The following ECSIT variants were observed in gnomAD, a reference collection of about 807,000 sequenced individuals.
The protein encoded by ECSIT is evolutionarily conserved signaling intermediate in Toll pathway, mitochondrial.
Under a neutral mutation model 36.8 loss-of-function variants are expected in ECSIT, and 29 were observed. The ratio of observed to expected loss-of-function variants is 0.79; its 90% CI spans 0.59 to 1.08. The LOEUF is 1.08. Ranked by LOEUF, ECSIT falls within the 50% of genes least tolerant of loss-of-function variation. The pLI is 0.00. For synonymous variants in ECSIT, 231 were observed against 234.8 expected, an observed-to-expected ratio of 0.98 and a Z score of 0.15; for missense variants, 542 against 581.0, an observed-to-expected ratio of 0.93 and a Z score of 0.69.
At chr19:11,520,927 TC>T (rs1972090262) in intron 1 of ECSIT, among the ~76,000 whole-genome samples, 1 of 151,920 alleles carries the variant, frequency 6.6e-6, no homozygotes, top group Non-Finnish European at 1.5e-5. Context: ...TGCCTCAGCC[TC>T]CCAAGTAGCT....
intron 1 of ECSIT, chr19:11,522,180 C>G: frequency 2.1e-6 from 1 of 483,644 alleles, no homozygotes; most frequent in South Asian, 2.2e-5. Flanking sequence ...CGAGAAGTAC[C>G]GCCTGCGGGT....
At chr19:11,509,041 C>G (rs1325004528) in intron 4 of ECSIT, among the ~76,000 whole-genome samples, 2 of 151,548 alleles carry the variant, frequency 1.3e-5, no homozygotes, top group Non-Finnish European at 2.9e-5. Flanking sequence ...AATTTTATAC[C>G]TTGAACATAA....
intron 7 of ECSIT, among the ~76,000 whole-genome samples, chr19:11,506,922 C>T (rs909226406): frequency 2.6e-5 from 4 of 152,202 alleles, no homozygotes; most frequent in African/African-American, 9.7e-5. Context: ...CGGGCGATGA[C>T]TCCTGGTTTT....
intron 5 of ECSIT, 38 bp downstream of exon 5, chr19:11,507,952 AG>A (rs1255480175): frequency 6.2e-7 from 1 of 1,613,998 alleles, no homozygotes; most frequent in Non-Finnish European, 8.5e-7. Flanking sequence ...GGCCTGGGTA[AG>A]GTTAGAGACT....
chr19:11,528,121 C>T (rs1972252476), intron 1 of ECSIT, among the ~76,000 whole-genome samples: 1 of 152,232 alleles, frequency 6.6e-6, no homozygotes, highest in South Asian at 2.1e-4. Flanking sequence ...ATCTCAGAAC[C>T]TTTGTACTTG....
Position 11,519,051 on chromosome 19 carries a change from AAAG to A in ECSIT, c.96+21_96+23del, listed in dbSNP as rs1332449640. 1 of 1,547,308 alleles carries A rather than the reference AAAG, an allele frequency of 6.5e-7. No individual in the cohort carries two copies. The highest frequency in any genetic ancestry group is 1.4e-5 in the African/African-American group (1 of 73,052). ...TCCCAAGCTTACCTCCCTCTACCCA[AAAG>A]ACTGCCTGGCTGGTGCTTACCTGAG... On this transcript the variant is annotated intron_variant, in intron 2 of 7. Transcript: ENST00000270517. The surrounding 1 kb of genome is among the most constrained non-coding windows in gnomAD (Gnocchi z 4.4).
In ECSIT at chr19:11,506,327, C is replaced by A; in HGVS notation, c.1153G>T (p.Ala385Ser). 6.2e-7 allele frequency: 1 copy of A among 1,613,454 alleles called. No homozygotes were observed. Among genetic ancestry groups the A allele is most frequent in the African/African-American group, 1.3e-5 (1 of 75,074 alleles). The stretch of plus-strand genomic sequence containing the variant: ...AGGCGGAAGACCACGGGGATCTGGG[C>A]CAGGGTTGGGTTGGTCTCCTGCAGG... Reference protein sequence around the residue: ...QGLQETNPTLAQIPVVFRLAG... With the variant: ...QGLQETNPTLSQIPVVFRLAG... The change falls in exon 8 of 8, where the codon GCC becomes TCC. Residue 385 changes from alanine to serine, a missense_variant. Transcript: ENST00000270517.
At chr19:11,514,506 G>T (rs920557843) in intron 2 of ECSIT, among the ~76,000 whole-genome samples, 1 of 143,438 alleles carries the variant, frequency 7.0e-6, no homozygotes, top group African/African-American at 2.9e-5. Flanking sequence ...ACACATGCCG[G>T]TTTTTTTTTG....
intron 2 of ECSIT, among the ~76,000 whole-genome samples, chr19:11,515,397 C>T (rs1418617569): frequency 2.0e-5 from 3 of 152,088 alleles, no homozygotes; most frequent in East Asian, 1.9e-4. Context: ...CCACCGCGCC[C>T]GGCGTAGCCA....
chr19:11,526,801 C>T (rs748774001), intron 1 of ECSIT, among the ~76,000 whole-genome samples: 1 of 151,194 alleles, frequency 6.6e-6, no homozygotes, highest in Non-Finnish European at 1.5e-5. Flanking sequence ...TCACTGCAAC[C>T]TCCGCCTCCC....
At chr19:11,525,473 A>C (rs1003557807) in intron 1 of ECSIT, among the ~76,000 whole-genome samples, 1 of 151,902 alleles carries the variant, frequency 6.6e-6, no homozygotes, top group Non-Finnish European at 1.5e-5. Flanking sequence ...AGTTCATGCC[A>C]CACACTCCAG....
At chr19:11,515,692 C>G (rs978888716) in intron 2 of ECSIT, among the ~76,000 whole-genome samples, 8 of 151,592 alleles carry the variant, frequency 5.3e-5, no homozygotes, top group African/African-American at 1.2e-4. Context: ...GGAGTGCAGT[C>G]ACACGATCTC....
chr19:11,508,514 T>C (rs987082772), intron 4 of ECSIT, among the ~76,000 whole-genome samples: 7 of 151,936 alleles, frequency 4.6e-5, no homozygotes, highest in South Asian at 2.1e-4. Flanking sequence ...GTCTCCCAAG[T>C]AGCTGGGTCT....
chr19:11,513,749 C>T (rs1416491809), intron 3 of ECSIT, 55 bp downstream of exon 3: 40 of 1,598,646 alleles, frequency 2.5e-5, no homozygotes, highest in Non-Finnish European at 3.2e-5. Flanking sequence ...AGGAGAGGTG[C>T]TGCCAGCTAT....
rs71166605 is a variant in ECSIT at position 11,506,529 on chromosome 19, C to CTTTTTTT, written c.1052-108_1052-102dup. 293 of 678,334 alleles carry CTTTTTTT rather than the reference C, an allele frequency of 4.3e-4. 13 individuals carry two copies. The African/African-American group carries it at 8.6e-3, about 20-fold the overall frequency. 42.0% of individuals were successfully genotyped at this position (678,334 alleles called of 1,614,324 possible). A position where few individuals can be genotyped will look rare whatever the true frequency, so the allele number is the denominator to read the frequency against. ...GGTATTTTACACTCCCTTCCACTTC[C>CTTTTTTT]TTTTTTTTTTTTTTTTTTTTTTTGA... is the stretch of plus-strand genomic sequence containing the variant. On this transcript the variant is annotated intron_variant, in intron 7 of 7. Transcript: ENST00000270517.
At chr19:11,522,385 C>A in intron 1 of ECSIT, 1 of 955,582 alleles carries the variant, frequency 1.0e-6, no homozygotes, top group Non-Finnish European at 1.7e-6. Context: ...GTCCCACCGG[C>A]TGGCCGTCAA....
chr19:11,518,769 T>C (rs957513395), intron 2 of ECSIT, among the ~76,000 whole-genome samples: 2 of 152,034 alleles, frequency 1.3e-5, no homozygotes, highest in African/African-American at 2.4e-5. Flanking sequence ...TGTGGTAGTA[T>C]GTGCCTGTAG....
rs576970868 is a variant in ECSIT at position 11,527,321 on chromosome 19, C to G, written c.-24+1741G>C. Among the ~76,000 whole-genome samples the G allele has an allele frequency of 5.3e-5, 8 of 152,126 alleles. 1 individual carries two copies. Among genetic ancestry groups the G allele is most frequent in the African/African-American group, 1.9e-4 (8 of 41,528 alleles). ...TGGGCGACAGAGCGAGATTCCATCG[C>G]TAAATAAATAAATAAATCAACTAAA... On this transcript the variant is annotated intron_variant, in intron 1 of 7. Coordinates refer to ENST00000270517, the MANE Select transcript of ECSIT (RefSeq NM_016581.5).
At chr19:11,513,767 G>A in intron 3 of ECSIT, 37 bp downstream of exon 3, 2 of 1,610,906 alleles carry the variant, frequency 1.2e-6, no homozygotes, top group Non-Finnish European at 1.7e-6. Flanking sequence ...TATCAGTGTA[G>A]CCCACTCCCC....
Sources: allele counts gnomAD v4.1 joint callset (sites outside exome capture counted in the v4.1 genomes callset), GRCh38; gene constraint gnomAD v4.1.1; non-coding constraint Gnocchi (gnomAD v3.1); transcripts MANE v1.5; gene names NCBI Gene and HGNC (gene_info 2026-07-23, HGNC 2026-07-21).